CNST: variants seen among roughly 807,000 people sequenced by gnomAD.
CNST encodes consortin, connexin sorting protein, also known as consortin.
A neutral mutation model predicts 72.4 loss-of-function variants in CNST; 39 were observed. The observed-to-expected ratio is 0.54, with a 90% CI of 0.42 to 0.70. The LOEUF is 0.70. CNST is among the 30% of genes least tolerant of loss of function. CNST has a pLI of 0.00. For synonymous variants in CNST, 332 were observed against 320.1 expected (o/e 1.04, Z -0.40); for missense variants, 871 against 868.5 (o/e 1.00, Z -0.04).
intron 2 of CNST, among the ~76,000 whole-genome samples, chr1:246,612,467 T>C (rs746399001): frequency 6.6e-6 from 1 of 152,182 alleles, no homozygotes; most frequent in African/African-American, 2.4e-5. Flanking sequence ...CCTCCCAAAG[T>C]GCTGGGATTA....
At chr1:246,661,158 C>T (rs760114354) in intron 10 of CNST, among the ~76,000 whole-genome samples, 18 of 151,582 alleles carry the variant, frequency 1.2e-4, no homozygotes, top group Admixed American at 1.3e-4. Flanking sequence ...TTAGTGGAGA[C>T]GGGGTTTCAC....
At chr1:246,587,062 A>C (rs1386746986) in intron 1 of CNST, among the ~76,000 whole-genome samples, 1 of 152,200 alleles carries the variant, frequency 6.6e-6, no homozygotes, top group Non-Finnish European at 1.5e-5. Context: ...TTTTAGAACT[A>C]CTTTATAGGA....
At chr1:246,627,909 C>T (rs1043423335) in intron 3 of CNST, among the ~76,000 whole-genome samples, 2 of 151,050 alleles carry the variant, frequency 1.3e-5, no homozygotes, top group Non-Finnish European at 2.9e-5. Context: ...TTATATATAT[C>T]CTATATATAT....
rs552026314 is a variant in CNST, at chr1:246,631,168, CA to C, written c.586-723del. Among the ~76,000 whole-genome samples, 394 of 152,282 alleles carry C rather than the reference CA, an allele frequency of 2.6e-3. 2 individuals are homozygous for C. Among genetic ancestry groups the C allele is most frequent in the African/African-American group, 8.8e-3 (365 of 41,534 alleles). ...AAAAATATCCCAAAGTTTTTAGAATCAAAGAATCTTTAAATGTAAAGATGTC... is the reference window on the plus strand; with the variant it reads ...AAAAATATCCCAAAGTTTTTAGAATCAAGAATCTTTAAATGTAAAGATGTC... On this transcript the variant is annotated intron_variant, in intron 3 of 10. Transcript: ENST00000366513.
At position 246,647,222 on chromosome 1, in the gene CNST, C is replaced by T; in HGVS notation, c.1021C>T (p.Gln341Ter). 2 of 1,614,144 alleles carry T rather than the reference C, an allele frequency of 1.2e-6. No homozygotes were observed. The highest frequency in any genetic ancestry group is 1.7e-6 in the Non-Finnish European group (2 of 1,180,018). ...EPLGSSPCCHQMDVQTDSPSL... is the reference protein window; with the variant it reads ...EPLGSSPCCH ...CCTGGGGAGCAGTCCCTGCTGTCAT[C>T]AGATGGACGTGCAAACAGATTCCCC... is the stretch of plus-strand genomic sequence containing the variant. The change falls in exon 9 of 11, where the codon CAG (glutamine) becomes TAG (stop). Residue 341 changes from glutamine to a stop codon, truncating the protein, a stop_gained. Transcript: ENST00000366513. LOFTEE classifies it high-confidence loss of function.
chr1:246,575,689 T>G (rs1392604002), intron 1 of CNST, among the ~76,000 whole-genome samples: 1 of 152,156 alleles, frequency 6.6e-6, no homozygotes, highest in Non-Finnish European at 1.5e-5. Flanking sequence ...TAAAAGCTAT[T>G]GAATTGTGCA....
chr1:246,623,840 T>C (rs1033582851), intron 3 of CNST, among the ~76,000 whole-genome samples: 7 of 148,766 alleles, frequency 4.7e-5, no homozygotes, highest in African/African-American at 1.7e-4. Context: ...GGCAGGCAGA[T>C]TGCTTGAGCC....
intron 3 of CNST, among the ~76,000 whole-genome samples, chr1:246,626,353 A>G (rs1365672361): frequency 6.6e-6 from 1 of 150,948 alleles, no homozygotes; most frequent in Non-Finnish European, 1.5e-5. Flanking sequence ...ACCCAGCCCT[A>G]ATTTTTAAAC....
chr1:246,652,833 T>A (rs997377837), intron 9 of CNST, among the ~76,000 whole-genome samples: 3 of 149,958 alleles, frequency 2.0e-5, no homozygotes, highest in Non-Finnish European at 4.4e-5. Flanking sequence ...TGAAACCCCG[T>A]CTCTACTAAA....
At chr1:246,610,559 C>G (rs1258709026) in intron 2 of CNST, among the ~76,000 whole-genome samples, 2 of 152,112 alleles carry the variant, frequency 1.3e-5, no homozygotes, top group Admixed American at 6.5e-5. Context: ...GAAAACCGGA[C>G]ATTGGTGTAT....
At chr1:246,591,976 A>G in intron 2 of CNST, 35 bp downstream of exon 2, 1 of 1,512,380 alleles carries the variant, frequency 6.6e-7, no homozygotes, top group Non-Finnish European at 8.9e-7. Context: ...CTCTTCTTTA[A>G]TTAATTAAAA....
At chr1:246,606,930 G>A (rs982505127) in intron 2 of CNST, 9 of 148,928 alleles carry the variant, frequency 6.0e-5, no homozygotes, top group Non-Finnish European at 7.5e-5. Flanking sequence ...GTGTTCCTAG[G>A]ATTGTCGCAT....
intron 9 of CNST, among the ~76,000 whole-genome samples, chr1:246,652,830 C>T (rs1443419157): frequency 2.0e-5 from 3 of 150,448 alleles, no homozygotes; most frequent in Non-Finnish European, 3.0e-5. Flanking sequence ...CGGTGAAACC[C>T]CGTCTCTACT....
chr1:246,629,973 C>T (rs543013445), intron 3 of CNST, among the ~76,000 whole-genome samples: 2 of 152,342 alleles, frequency 1.3e-5, no homozygotes, highest in South Asian at 4.1e-4. Flanking sequence ...CTCAAATTAT[C>T]TGCCTGCTTC....
intron 2 of CNST, among the ~76,000 whole-genome samples, chr1:246,592,664 G>A (rs770520930): frequency 1.3e-5 from 2 of 152,162 alleles, no homozygotes; most frequent in Non-Finnish European, 2.9e-5. Flanking sequence ...TAACCTGTGA[G>A]TTTAGATGCT....
At chr1:246,583,610 C>G (rs1558531842) in intron 1 of CNST, among the ~76,000 whole-genome samples, 1 of 152,206 alleles carries the variant, frequency 6.6e-6, no homozygotes, top group Non-Finnish European at 1.5e-5. Context: ...TGTAGACACT[C>G]AAAATTGATT....
intron 10 of CNST, among the ~76,000 whole-genome samples, chr1:246,664,551 T>C (rs555370480): frequency 7.4e-4 from 113 of 152,142 alleles, no homozygotes; most frequent in South Asian, 2.1e-3. Flanking sequence ...CTCAGCCTCC[T>C]GAGTAGCTGA....
At position 246,614,300 on chromosome 1, in the gene CNST, A is replaced by C. The variant is rs115631885; in HGVS notation, c.380-7129A>C. ...ATACATGAAATAAAACTTTGACTGTAACCTCTCACATGAAGTTAGGTATAG... is the reference window on the plus strand; with the variant it reads ...ATACATGAAATAAAACTTTGACTGTCACCTCTCACATGAAGTTAGGTATAG... On this transcript the variant is annotated intron_variant, in intron 2 of 10. Transcript: ENST00000366513. Among the ~76,000 whole-genome samples, 708 of 152,294 alleles carry C rather than the reference A, an allele frequency of 4.6e-3. 9 individuals are homozygous for C. Among genetic ancestry groups the C allele is most frequent in the African/African-American group, 0.016 (667 of 41,556 alleles).
chr1:246,665,775 C>T lies in CNST; in HGVS notation c.2048C>T (p.Thr683Ile). 1 of 1,613,884 alleles carries T rather than the reference C, an allele frequency of 6.2e-7. No individual in the cohort carries two copies. The highest frequency in any genetic ancestry group is 8.5e-7 in the Non-Finnish European group (1 of 1,179,918). ...ACGGTTTTCCTCAGTGTTGGAGGAACTGCATTATACTGCACTTTCGGTGAC... is the reference window on the plus strand; with the variant it reads ...ACGGTTTTCCTCAGTGTTGGAGGAATTGCATTATACTGCACTTTCGGTGAC... ...IATVFLSVGG[T>I]ALYCTFGDME... Residue 683 changes from threonine (T) to isoleucine (I), a missense_variant, in exon 11 of 11, where the codon ACT becomes ATT. Thr to Ile is a moderately conservative substitution (Grantham distance 89). Transcript: ENST00000366513.
Sources: gnomAD v4.1 joint callset for allele counts (sites outside exome capture counted in the v4.1 genomes callset) on GRCh38, gnomAD v4.1.1 for gene constraint, MANE v1.5 for transcripts, NCBI Gene and HGNC (gene_info 2026-07-23, HGNC 2026-07-21) for gene names.